CTNNA2: variants seen among roughly 807,000 people sequenced by gnomAD.
CTNNA2 encodes catenin alpha 2.
Under a neutral mutation model 101.0 loss-of-function variants are expected in CTNNA2, and 42 were observed. The ratio of observed to expected loss-of-function variants is 0.42; its 90% CI spans 0.32 to 0.54. The LOEUF is 0.54. Among genes scored for constraint, CTNNA2 ranks in the 20% least tolerant of loss-of-function variants. The probability of loss-of-function intolerance (pLI) is 0.14; values close to 1 mark genes in which losing one functional copy is unlikely to be tolerated. For missense variants in CTNNA2, 871 were observed against 1,223.1 expected, an observed-to-expected ratio of 0.71 and a Z score of 4.29; for synonymous variants, 450 against 456.4, an observed-to-expected ratio of 0.99 and a Z score of 0.18.
intron 4 of CTNNA2, among the ~76,000 whole-genome samples, chr2:79,862,926 A>G (rs191407680): frequency 3.5e-4 from 54 of 152,322 alleles, no homozygotes; most frequent in Non-Finnish European, 7.4e-4. Flanking sequence ...AAAAGTCCAG[A>G]GGTAATAGCT....
At chr2:80,138,302 G>A (rs781392075) in intron 7 of CTNNA2, among the ~76,000 whole-genome samples, 1 of 152,092 alleles carries the variant, frequency 6.6e-6, no homozygotes, top group South Asian at 2.1e-4. Flanking sequence ...GTTAATGATT[G>A]ACAGCATCAA....
At chr2:80,283,810 A>C (rs925110734) in intron 7 of CTNNA2, among the ~76,000 whole-genome samples, 2 of 152,012 alleles carry the variant, frequency 1.3e-5, no homozygotes, top group Admixed American at 6.6e-5. Flanking sequence ...ACATACAGGG[A>C]GTGGAAGAAT....
chr2:80,075,729 C>T (rs1369454991), intron 7 of CTNNA2, among the ~76,000 whole-genome samples: 1 of 81,508 alleles, frequency 1.2e-5, no homozygotes, highest in Non-Finnish European at 2.3e-5. Flanking sequence ...AATATTTATA[C>T]TTGTATAAAT....
intron 17 of CTNNA2, among the ~76,000 whole-genome samples, chr2:80,616,093 T>G (rs567595395): frequency 6.6e-6 from 1 of 151,856 alleles, no homozygotes; most frequent in South Asian, 2.1e-4. Context: ...GATAATGAAA[T>G]TGACTGGAAC....
intron 1 of CTNNA2, among the ~76,000 whole-genome samples, chr2:79,585,364 G>T (rs915210134): frequency 9.2e-5 from 14 of 151,802 alleles, no homozygotes; most frequent in Admixed American, 2.0e-4. Context: ...AACTGTATTG[G>T]ATAACACTTC....
At chr2:80,605,095 G>T (rs1697889313) in intron 16 of CTNNA2, 1 of 151,954 alleles carries the variant, frequency 6.6e-6, no homozygotes, top group Admixed American at 6.6e-5. Flanking sequence ...AGAGATAAAT[G>T]AAATTCTCAG....
intron 7 of CTNNA2, among the ~76,000 whole-genome samples, chr2:80,007,445 A>G (rs137951202): frequency 8.5e-5 from 13 of 152,254 alleles, no homozygotes; most frequent in African/African-American, 3.1e-4. Context: ...ATTAGTAGCA[A>G]CTACTACTAA....
At chr2:79,434,923 A>G (rs1389587602) in intron 4 of CTNNA2, among the ~76,000 whole-genome samples, 2 of 152,146 alleles carry the variant, frequency 1.3e-5, no homozygotes, top group African/African-American at 4.8e-5. Context: ...AGGTTTTCCA[A>G]GTAGAAATCT....
At chr2:79,547,851 A>T (rs1277597509) in intron 1 of CTNNA2, 2 of 152,662 alleles carry the variant, frequency 1.3e-5, no homozygotes, top group Non-Finnish European at 2.9e-5. Context: ...TATAGAAAAA[A>T]AGTGATAGAA....
chr2:80,443,906 C>T (rs1478004606), intron 9 of CTNNA2, among the ~76,000 whole-genome samples: 1 of 152,174 alleles, frequency 6.6e-6, no homozygotes, highest in East Asian at 1.9e-4. Flanking sequence ...AAATGGGGCA[C>T]ATCACATATG....
intron 4 of CTNNA2, among the ~76,000 whole-genome samples, chr2:79,470,708 C>T (rs1670988667): frequency 2.0e-5 from 3 of 152,162 alleles, no homozygotes; most frequent in African/African-American, 7.2e-5. Flanking sequence ...TCTGATGCAA[C>T]CGTTGCGTCC....
intron 7 of CTNNA2, among the ~76,000 whole-genome samples, chr2:79,995,448 A>G (rs955849685): frequency 3.9e-5 from 6 of 152,058 alleles, no homozygotes; most frequent in Admixed American, 6.5e-5. Flanking sequence ...TTTCCCTATG[A>G]TGGTCAAATC....
intron 5 of CTNNA2, among the ~76,000 whole-genome samples, chr2:79,505,386 G>GTTTTATGATCAAATAAA (rs1671390663): frequency 6.6e-6 from 1 of 152,098 alleles, no homozygotes; most frequent in South Asian, 2.1e-4. Flanking sequence ...GACTGATACA[G>GTTTTATGATCAAATAAA]TCATAAAACG....
rs187071102 is a variant in CTNNA2 at position 79,623,273 on chromosome 2, C to A, written c.-5-28279C>A. Among the ~76,000 whole-genome samples, 27 of 152,240 alleles carry A rather than the reference C, an allele frequency of 1.8e-4. No individual in the cohort carries two copies. In the East Asian group the frequency reaches 4.6e-3, roughly 26 times the overall value. ...TGGTAGGAAGAAATTTGTGCTCATC[C>A]TTTTGGTGCAGTTGTGACTACTGCA... On this transcript the variant is annotated intron_variant, in intron 1 of 18. Transcript: ENST00000402739.
intron 2 of CTNNA2, among the ~76,000 whole-genome samples, chr2:79,235,205 T>C (rs975543363): frequency 5.3e-5 from 8 of 152,222 alleles, no homozygotes. Context: ...GCTTTATTTC[T>C]GGGTGTTTTC....
intron 4 of CTNNA2, among the ~76,000 whole-genome samples, chr2:79,859,175 C>T (rs186068201): frequency 7.2e-5 from 11 of 152,096 alleles, no homozygotes; most frequent in South Asian, 2.1e-4. Flanking sequence ...ACCAATTGCT[C>T]GCTTGGTTAC....
intron 3 of CTNNA2, among the ~76,000 whole-genome samples, chr2:79,833,991 A>T (rs1312061839): frequency 6.6e-6 from 1 of 152,188 alleles, no homozygotes; most frequent in Non-Finnish European, 1.5e-5. Flanking sequence ...CACATAAATT[A>T]ACTATTTTCT....
At chr2:79,785,592 A>G (rs1382653136) in intron 3 of CTNNA2, among the ~76,000 whole-genome samples, 2 of 152,228 alleles carry the variant, frequency 1.3e-5, no homozygotes, top group East Asian at 3.9e-4. Context: ...AGCTGTATTT[A>G]TAATTTGTTA....
chr2:79,437,160 G>A (rs1311784534), intron 4 of CTNNA2, among the ~76,000 whole-genome samples: 1 of 151,882 alleles, frequency 6.6e-6, no homozygotes, highest in Non-Finnish European at 1.5e-5. Context: ...GTTGAAACCG[G>A]GAGGCAGTGG....
Sources: allele counts gnomAD v4.1 joint callset (sites outside exome capture counted in the v4.1 genomes callset), GRCh38; gene constraint gnomAD v4.1.1; transcripts MANE v1.5; gene names NCBI Gene and HGNC (gene_info 2026-07-23, HGNC 2026-07-21).